The following MAN2A1 variants were observed in gnomAD, a reference collection of about 807,000 sequenced individuals.
MAN2A1 encodes the protein mannosidase alpha class 2A member 1, also known as alpha-mannosidase 2.
MAN2A1 carries 76 observed loss-of-function variants against 142.6 expected under a neutral mutation model. The ratio of observed to expected loss-of-function variants is 0.53; its 90% CI spans 0.44 to 0.65. The LOEUF (loss-of-function observed/expected upper bound fraction) is 0.65, where lower values mean the gene tolerates loss of function less well. MAN2A1 is among the 30% of genes least tolerant of loss of function. The pLI, the probability that MAN2A1 is intolerant of heterozygous loss-of-function variation, is 0.00. For synonymous variants in MAN2A1, 559 were observed against 473.2 expected (o/e 1.18, Z -2.35); for missense variants, 1,311 against 1,365.1 (o/e 0.96, Z 0.62).
At chr5:109,830,426 T>G (rs201626575) in intron 16 of MAN2A1, among the ~76,000 whole-genome samples, 1 of 152,192 alleles carries the variant, frequency 6.6e-6, no homozygotes, top group East Asian at 1.9e-4. Flanking sequence ...ACTCCCTGCT[T>G]CTAAATTCAT....
chr5:109,772,238 G>C (rs1052631043), intron 7 of MAN2A1, among the ~76,000 whole-genome samples: 1 of 152,018 alleles, frequency 6.6e-6, no homozygotes, highest in South Asian at 2.1e-4. Flanking sequence ...CTATGGCGGC[G>C]TGTGCCTGTA....
intron 16 of MAN2A1, among the ~76,000 whole-genome samples, chr5:109,830,500 G>A (rs1393332596): frequency 6.6e-6 from 1 of 152,194 alleles, no homozygotes; most frequent in African/African-American, 2.4e-5. Flanking sequence ...AAGAATGCCT[G>A]AATCTGGGGC....
At chr5:109,788,634 A>G (rs1467231845) in intron 10 of MAN2A1, among the ~76,000 whole-genome samples, 1 of 151,828 alleles carries the variant, frequency 6.6e-6, no homozygotes, top group Non-Finnish European at 1.5e-5. Flanking sequence ...TATTGGGGTG[A>G]TCCTACTGGA....
intron 19 of MAN2A1, chr5:109,854,893 T>A (rs1755567576): frequency 6.2e-6 from 2 of 320,556 alleles, no homozygotes; most frequent in Admixed American, 9.7e-5. Flanking sequence ...GTTTTCAGTA[T>A]TTTTAGTATT....
rs1287768412 is a variant in MAN2A1 at position 109,868,690 on chromosome 5, A to AG, written c.*1696dup. 10 of 152,212 alleles carry AG rather than the reference A, an allele frequency of 6.6e-5. No homozygotes were observed. Among genetic ancestry groups the AG allele is most frequent in the Non-Finnish European group, 1.2e-4 (8 of 68,030 alleles). The allele number at this position is 152,212 out of a possible 1,614,324, so 9.4% of individuals were successfully genotyped here. A position where few individuals can be genotyped will look rare whatever the true frequency, so the allele number is the denominator to read the frequency against. The stretch of plus-strand genomic sequence containing the variant: ...TACCAGTGTTGATAAAGATATTACA[A>AG]GGGGTAATTTCATGCAATAAACATG... On this transcript the variant is annotated 3_prime_UTR_variant, in exon 22 of 22. Transcript: ENST00000261483.
intron 20 of MAN2A1, among the ~76,000 whole-genome samples, chr5:109,858,962 C>G (rs558065472): frequency 6.6e-6 from 1 of 152,094 alleles, no homozygotes; most frequent in Non-Finnish European, 1.5e-5. Flanking sequence ...TCACTGTGCC[C>G]GGATCACACA....
chr5:109,842,983 T>C (rs1408627669), intron 17 of MAN2A1, among the ~76,000 whole-genome samples: 1 of 151,918 alleles, frequency 6.6e-6, no homozygotes, highest in African/African-American at 2.4e-5. Flanking sequence ...TTTTTGTATT[T>C]TTAGCAGAGA....
intron 2 of MAN2A1, 115 bp from the exon 3 acceptor site, chr5:109,716,005 T>C: frequency 4.8e-6 from 3 of 628,078 alleles, no homozygotes; most frequent in Admixed American, 3.5e-5. Context: ...ACAGAAATAG[T>C]TTTATTTTAT....
intron 1 of MAN2A1, among the ~76,000 whole-genome samples, chr5:109,706,142 C>T (rs1751124253): frequency 6.6e-6 from 1 of 152,156 alleles, no homozygotes; most frequent in South Asian, 2.1e-4. Context: ...CATAACAACC[C>T]TATGAGTTAG....
chr5:109,865,734 C>G (rs1479444471), intron 21 of MAN2A1, among the ~76,000 whole-genome samples: 1 of 152,212 alleles, frequency 6.6e-6, no homozygotes, highest in African/African-American at 2.4e-5. Flanking sequence ...GCAGGCCAAA[C>G]AGATCCTCAG....
At chr5:109,731,285 T>C (rs1751900053) in intron 4 of MAN2A1, among the ~76,000 whole-genome samples, 1 of 151,904 alleles carries the variant, frequency 6.6e-6, no homozygotes, top group South Asian at 2.1e-4. Flanking sequence ...TTTTAAGCAA[T>C]TGACCAATCA....
chr5:109,864,924 C>T (rs1257402360), intron 20 of MAN2A1, 112 bp from the exon 21 acceptor site: 21 of 753,808 alleles, frequency 2.8e-5, no homozygotes, highest in Non-Finnish European at 4.2e-5. Context: ...GCCTAACTTT[C>T]TTGCTAAATA....
chr5:109,779,319 C>A (rs1310024855), intron 8 of MAN2A1, among the ~76,000 whole-genome samples: 1 of 152,094 alleles, frequency 6.6e-6, no homozygotes, highest in Non-Finnish European at 1.5e-5. Flanking sequence ...ATTGTTAATA[C>A]TAATTCTGTA....
intron 15 of MAN2A1, among the ~76,000 whole-genome samples, chr5:109,822,337 A>G (rs1754647892): frequency 6.6e-6 from 1 of 152,084 alleles, no homozygotes; most frequent in Admixed American, 6.5e-5. Flanking sequence ...TTATACTTAA[A>G]AAAGTAGTTG....
chr5:109,714,400 A>T (rs992177156), intron 2 of MAN2A1, among the ~76,000 whole-genome samples: 1 of 152,208 alleles, frequency 6.6e-6, no homozygotes. Flanking sequence ...AGTTAAGATA[A>T]TATTTTGGAT....
At chr5:109,806,538 C>T (rs1754171264) in intron 12 of MAN2A1, among the ~76,000 whole-genome samples, 1 of 152,100 alleles carries the variant, frequency 6.6e-6, no homozygotes, top group Admixed American at 6.5e-5. Context: ...ACTGCTTTGT[C>T]TGTTAGTATT....
At chr5:109,696,361 C>T (rs1485633779) in intron 1 of MAN2A1, among the ~76,000 whole-genome samples, 1 of 152,174 alleles carries the variant, frequency 6.6e-6, no homozygotes, top group Non-Finnish European at 1.5e-5. Context: ...GACCTCCCAA[C>T]ATGTTGGGAT....
rs1750628224 is a variant in MAN2A1, at chr5:109,690,337, C to T, written c.-81C>T. On this transcript the variant is annotated 5_prime_UTR_variant, in exon 1 of 22. Coordinates refer to ENST00000261483, the MANE Select transcript of MAN2A1 (RefSeq NM_002372.4). ...GCGCAGCCCGGGAGAAGGGAGCCTC[C>T]GGCGGCTGCTTCCTAGAGTCCACAG... 3 of 1,499,090 alleles carry T rather than the reference C, an allele frequency of 2.0e-6. No homozygotes were observed. The highest frequency in any genetic ancestry group is 2.8e-6 in the Non-Finnish European group (3 of 1,078,962). The allele number at this position is 1,499,090 out of a possible 1,614,324, so 92.9% of individuals were successfully genotyped here. A position where few individuals can be genotyped will look rare whatever the true frequency, so the allele number is the denominator to read the frequency against.
intron 8 of MAN2A1, among the ~76,000 whole-genome samples, chr5:109,778,083 C>CAA (rs373860065): frequency 0.039 from 5,705 of 145,314 alleles, 131 homozygotes; most frequent in Non-Finnish European, 0.041. Context: ...AAATTTCTAC[C>CAA]AAAAAAAAAA....
Sources: allele counts gnomAD v4.1 joint callset (sites outside exome capture counted in the v4.1 genomes callset), GRCh38; gene constraint gnomAD v4.1.1; transcripts MANE v1.5; gene names NCBI Gene and HGNC (gene_info 2026-07-23, HGNC 2026-07-21).